The following ASAP3 variants were observed in gnomAD, a reference collection of about 807,000 sequenced individuals.
ASAP3 encodes the protein arf-GAP with SH3 domain, ANK repeat and PH domain-containing protein 3.
ASAP3 carries 85 observed loss-of-function variants against 118.2 expected under a neutral mutation model. The observed-to-expected ratio is 0.72, with a 90% CI of 0.60 to 0.86. ASAP3 has a LOEUF of 0.86. Among genes scored for constraint, ASAP3 ranks in the 40% least tolerant of loss-of-function variants. The probability of loss-of-function intolerance (pLI) is 0.00; values close to 1 mark genes in which losing one functional copy is unlikely to be tolerated. For missense variants in ASAP3, 1,026 were observed against 1,175.0 expected (o/e 0.87, Z 1.85); for synonymous variants, 432 against 477.4 (o/e 0.90, Z 1.24).
At chr1:23,444,759 A>C (rs1232746216) in intron 5 of ASAP3, among the ~76,000 whole-genome samples, 2 of 152,160 alleles carry the variant, frequency 1.3e-5, no homozygotes, top group Non-Finnish European at 2.9e-5. Context: ...GTGTTCATAT[A>C]CAGAATCTGT....
rs752252930 is a variant in ASAP3 at position 23,456,043 on chromosome 1, G to A, written c.203-17C>T. 5.5e-5 allele frequency: 88 copies of A among 1,613,916 alleles called. No individual in the cohort carries two copies. The highest frequency in any genetic ancestry group is 3.7e-4 in the Admixed American group (22 of 59,986). On this transcript the variant is annotated splice_polypyrimidine_tract_variant and intron_variant, in intron 2 of 24. Transcript: ENST00000336689. ...CCACATGGCCTGTGGAGGTACAGAC[G>A]GGAGCTTGGAGTTAGCTCCAGGCTG...
chr1:23,441,396 C>G lies in ASAP3; in HGVS notation c.825G>C (p.Glu275Asp), dbSNP rs774353425. 2 of 1,613,960 alleles carry G rather than the reference C, an allele frequency of 1.2e-6. No homozygotes were observed. The highest frequency in any genetic ancestry group is 1.3e-5 in the African/African-American group (1 of 74,944). The change falls in exon 9 of 25, where the codon GAG becomes GAC. Residue 275 changes from glutamate (E) to aspartate (D), a missense_variant. Physicochemically the swap from Glu to Asp is conservative, Grantham distance 45. Transcript: ENST00000336689. ...RDSLRGTLQL[E>D]SREEHLSRKN... ...TAGTTCAGGGGCTGACCTCTCTGCT[C>G]TCAAGCTGCAGTGTCCCTCGGAGGG...
intron 1 of ASAP3, among the ~76,000 whole-genome samples, chr1:23,476,879 T>C (rs1271939926): frequency 6.6e-6 from 1 of 152,186 alleles, no homozygotes; most frequent in East Asian, 1.9e-4. Flanking sequence ...AGTTTTTTTT[T>C]TTCTTTCATT....
Position 23,438,750 on chromosome 1 carries a change from T to A in ASAP3, c.1099A>T (p.Thr367Ser). Reference protein sequence around the residue: ...PEEKKCFDLVTHNRTYHFQAE... With the variant: ...PEEKKCFDLVSHNRTYHFQAE... ...GAGAGGCACAGGGACCACTCACGGGTCACCAGGTCGAAGCACTTTTTCTCC... is the reference window on the plus strand; with the variant it reads ...GAGAGGCACAGGGACCACTCACGGGACACCAGGTCGAAGCACTTTTTCTCC... Residue 367 changes from threonine to serine, a missense_variant, in exon 12 of 25, where the codon ACC (threonine) becomes TCC (serine). Thr to Ser is a moderately conservative substitution (Grantham distance 58, BLOSUM62 1). Transcript: ENST00000336689. The surrounding 1 kb of genome is among the most constrained non-coding windows in gnomAD (Gnocchi z 4.9). The A allele has an allele frequency of 2.5e-6, 4 of 1,614,000 alleles. No homozygotes were observed. Among genetic ancestry groups the A allele is most frequent in the African/African-American group, 1.3e-5 (1 of 75,026 alleles).
At chr1:23,434,886 C>T (rs1212843) in intron 17 of ASAP3, among the ~76,000 whole-genome samples, 8,891 of 152,150 alleles carry the variant, frequency 0.058, 855 homozygotes, top group African/African-American at 0.2. Context: ...TCTCCCTGAT[C>T]GCACTTCCCC....
intron 1 of ASAP3, among the ~76,000 whole-genome samples, chr1:23,464,734 A>C (rs998410667): frequency 6.7e-6 from 1 of 149,988 alleles, no homozygotes; most frequent in Non-Finnish European, 1.5e-5. Context: ...AATCCCTGAT[A>C]GTCAGAGATT....
Position 23,471,482 on chromosome 1 carries a change from A to G in ASAP3, c.129+12523T>C, listed in dbSNP as rs540058032. Among the ~76,000 whole-genome samples the G allele has an allele frequency of 1.8e-3, 267 of 152,298 alleles. 1 individual carries two copies. The highest frequency in any genetic ancestry group is 3.4e-3 in the Middle Eastern group (1 of 294). On this transcript the variant is annotated intron_variant, in intron 1 of 24. Transcript: ENST00000336689. ...TGCAGCACTCAACACAAAACTCAGGATGTGGGTGTTAATAAGCATGTGTGG... is the reference window on the plus strand; with the variant it reads ...TGCAGCACTCAACACAAAACTCAGGGTGTGGGTGTTAATAAGCATGTGTGG...
At chr1:23,441,002 A>T in intron 10 of ASAP3, 100 bp downstream of exon 10, 2 of 1,141,716 alleles carry the variant, frequency 1.8e-6, no homozygotes, top group Non-Finnish European at 2.6e-6. Flanking sequence ...CTCGGTGTCT[A>T]CACAAATGAT....
At chr1:23,461,776 C>A (rs1433935651) in intron 1 of ASAP3, among the ~76,000 whole-genome samples, 1 of 152,072 alleles carries the variant, frequency 6.6e-6, no homozygotes, top group Non-Finnish European at 1.5e-5. Context: ...GCTCAGGCAG[C>A]AATCCTGGAC....
At chr1:23,483,356 G>T (rs924997930) in intron 1 of ASAP3, among the ~76,000 whole-genome samples, 20 of 152,186 alleles carry the variant, frequency 1.3e-4, no homozygotes, top group African/African-American at 4.8e-4. Context: ...AGGAATGGAA[G>T]GAACTCCGAA....
chr1:23,442,739 C>T (rs551474170), intron 5 of ASAP3, 127 bp from the exon 6 acceptor site: 1 of 1,404,958 alleles, frequency 7.1e-7, no homozygotes, highest in Non-Finnish European at 9.5e-7. Flanking sequence ...TGTGGTGGGG[C>T]TGGGTACAAT....
chr1:23,464,498 T>A (rs1024154156), intron 1 of ASAP3, among the ~76,000 whole-genome samples: 2 of 151,412 alleles, frequency 1.3e-5, no homozygotes, highest in East Asian at 2.0e-4. Flanking sequence ...TTACAAAAAA[T>A]TTTTTAAAAA....
chr1:23,452,641 T>A, intron 4 of ASAP3, 56 bp downstream of exon 4: 1 of 1,569,080 alleles, frequency 6.4e-7, no homozygotes, highest in Non-Finnish European at 8.8e-7. Context: ...CCCAACAGTC[T>A]CCTGCCCACC....
At chr1:23,484,363 C>T, upstream of ASAP3, 1 of 351,996 alleles carries the variant, frequency 2.8e-6, no homozygotes, top group Non-Finnish European at 4.6e-6. Flanking sequence ...CGGCCCCGGT[C>T]CCGGCCCCGC....
chr1:23,455,016 G>A (rs4649089), intron 3 of ASAP3, among the ~76,000 whole-genome samples: 81,067 of 152,066 alleles, frequency 0.53, 25,277 homozygotes, highest in Non-Finnish European at 0.68. Context: ...GGGTAGGACT[G>A]GAGCCACAAG....
intron 5 of ASAP3, 75 bp from the exon 6 acceptor site, chr1:23,442,687 C>T: frequency 6.4e-7 from 1 of 1,550,852 alleles, no homozygotes; most frequent in South Asian, 1.2e-5. Flanking sequence ...GATGCATGAG[C>T]AAAGGGGCCA....
intron 5 of ASAP3, among the ~76,000 whole-genome samples, chr1:23,447,818 T>C (rs1216921006): frequency 6.6e-6 from 1 of 151,574 alleles, no homozygotes; most frequent in Non-Finnish European, 1.5e-5. Flanking sequence ...TACACAACTT[T>C]GTCAATGTAC....
At chr1:23,454,346 C>A (rs1641317372) in intron 3 of ASAP3, among the ~76,000 whole-genome samples, 1 of 152,170 alleles carries the variant, frequency 6.6e-6, no homozygotes. Flanking sequence ...GATACCACAC[C>A]CAACTAATTT....
intron 1 of ASAP3, among the ~76,000 whole-genome samples, chr1:23,481,578 G>A (rs867532736): frequency 6.6e-6 from 1 of 152,192 alleles, no homozygotes; most frequent in Non-Finnish European, 1.5e-5. Context: ...CCTTTCTGTT[G>A]TAACAATGAA....
Sources: allele counts gnomAD v4.1 joint callset (sites outside exome capture counted in the v4.1 genomes callset), GRCh38; gene constraint gnomAD v4.1.1; non-coding constraint Gnocchi (gnomAD v3.1); transcripts MANE v1.5; gene names NCBI Gene and HGNC (gene_info 2026-07-23, HGNC 2026-07-21).